ITGA8: variants seen among roughly 807,000 people sequenced by gnomAD.
ITGA8 encodes the protein integrin subunit alpha 8.
In ITGA8, 91 loss-of-function variants were observed where a neutral mutation model predicts 142.3. The ratio of observed to expected loss-of-function variants is 0.64; its 90% CI spans 0.54 to 0.76. The LOEUF (loss-of-function observed/expected upper bound fraction) is 0.76. Among genes scored for constraint, ITGA8 ranks in the 30% least tolerant of loss-of-function variants. The pLI is 0.00. For synonymous variants in ITGA8, 505 were observed against 485.2 expected, an observed-to-expected ratio of 1.04 and a Z score of -0.54; for missense variants, 1,406 against 1,327.7, an observed-to-expected ratio of 1.06 and a Z score of -0.92.
At chr10:15,703,906 C>G (rs887183841) in intron 2 of ITGA8, among the ~76,000 whole-genome samples, 1 of 152,122 alleles carries the variant, frequency 6.6e-6, no homozygotes, top group Non-Finnish European at 1.5e-5. Context: ...ACACCTGAAG[C>G]CTTCTTCACT....
At chr10:15,719,527 GT>G (rs111419058) in intron 1 of ITGA8, 35 bp downstream of exon 1, 5 of 1,501,712 alleles carry the variant, frequency 3.3e-6, no homozygotes, top group Non-Finnish European at 2.6e-6. Flanking sequence ...GAGCGCCTTC[GT>G]CCCCGCGCGC....
intron 27 of ITGA8, among the ~76,000 whole-genome samples, chr10:15,541,986 G>A (rs1009846232): frequency 1.7e-4 from 26 of 152,220 alleles, no homozygotes; most frequent in African/African-American, 5.5e-4. Flanking sequence ...TCAGGAGGGC[G>A]AGCAGGAGGC....
chr10:15,519,953 G>T (rs935605597), intron 28 of ITGA8, among the ~76,000 whole-genome samples: 1 of 152,118 alleles, frequency 6.6e-6, no homozygotes, highest in Non-Finnish European at 1.5e-5. Flanking sequence ...TTCACACAAC[G>T]AATTAGTGTC....
At chr10:15,534,173 G>A (rs1833370156) in intron 27 of ITGA8, among the ~76,000 whole-genome samples, 1 of 152,102 alleles carries the variant, frequency 6.6e-6, no homozygotes, top group Non-Finnish European at 1.5e-5. Context: ...GCCTCCCAAA[G>A]TGCTGGCATC....
At chr10:15,714,663 T>C (rs1419337365) in intron 2 of ITGA8, among the ~76,000 whole-genome samples, 1 of 152,124 alleles carries the variant, frequency 6.6e-6, no homozygotes, top group Non-Finnish European at 1.5e-5. Context: ...AATCAAGTTA[T>C]ATGATAAGGT....
At chr10:15,627,065 A>C (rs534126520) in intron 13 of ITGA8, among the ~76,000 whole-genome samples, 35 of 152,184 alleles carry the variant, frequency 2.3e-4, no homozygotes, top group African/African-American at 7.2e-4. Flanking sequence ...TCCCACCCTA[A>C]CTGCCCAGGA....
chr10:15,694,901 ATTACT>A, intron 2 of ITGA8, among the ~76,000 whole-genome samples: 1 of 151,798 alleles, frequency 6.6e-6, no homozygotes. Flanking sequence ...TAGTCTTAAA[ATTACT>A]AACCACGAAA....
chr10:15,643,881 T>A (rs1833914734), intron 13 of ITGA8, 149 bp downstream of exon 13: 1 of 609,780 alleles, frequency 1.6e-6, no homozygotes, highest in Non-Finnish European at 2.8e-6. Flanking sequence ...TGAAAGTCGC[T>A]CTGGAATCGT....
intron 11 of ITGA8, among the ~76,000 whole-genome samples, chr10:15,652,283 T>C (rs1372738486): frequency 6.6e-6 from 1 of 152,232 alleles, no homozygotes; most frequent in Non-Finnish European, 1.5e-5. Context: ...CTGCAGGGCA[T>C]AAGGCGAAGC....
rs532003033 is a variant in ITGA8 at position 15,699,707 on chromosome 10, G to A, written c.344-11669C>T. On this transcript the variant is annotated intron_variant, in intron 2 of 29. Coordinates refer to ENST00000378076, the MANE Select transcript of ITGA8 (RefSeq NM_003638.3). The stretch of plus-strand genomic sequence containing the variant: ...CACCCAAACTAGGAATGACATTGCT[G>A]GGTCATAGAGAATGATCATATTCTT... 5.9e-5 allele frequency among the ~76,000 whole-genome samples: 9 copies of A among 152,250 alleles called. No individual in the cohort carries two copies. The South Asian group carries it at 1.9e-3, about 32-fold the overall frequency.
intron 8 of ITGA8, among the ~76,000 whole-genome samples, chr10:15,669,569 C>G (rs558798586): frequency 2.6e-5 from 4 of 152,198 alleles, no homozygotes; most frequent in Non-Finnish European, 4.4e-5. Context: ...TGAGAGGCTG[C>G]GTTCCTTTGG....
At chr10:15,671,964 T>C (rs755290717) in intron 7 of ITGA8, among the ~76,000 whole-genome samples, 7 of 150,716 alleles carry the variant, frequency 4.6e-5, no homozygotes, top group Non-Finnish European at 1.0e-4. Context: ...TGAGAGTAAA[T>C]GGTGGCTGTT....
intron 14 of ITGA8, among the ~76,000 whole-genome samples, chr10:15,615,816 A>G (rs114573650): frequency 3.0e-4 from 45 of 152,204 alleles, no homozygotes; most frequent in Admixed American, 2.4e-3. Flanking sequence ...GTCCTGCCAT[A>G]AAACTTTTTT....
intron 18 of ITGA8, 112 bp from the exon 19 acceptor site, chr10:15,605,903 T>C (rs868594784): frequency 3.3e-6 from 3 of 897,926 alleles, no homozygotes; most frequent in African/African-American, 3.3e-5. Context: ...CCTCTCACTA[T>C]GCATGACTCT....
At position 15,642,573 on chromosome 10, in the gene ITGA8, A is replaced by G. The variant is rs557491832; in HGVS notation, c.1399+1457T>C. The stretch of plus-strand genomic sequence containing the variant: ...TATTTTAAATTTGGATATATTATGT[A>G]TACAAACCTCTCCCCAGTAATAACA... On this transcript the variant is annotated intron_variant, in intron 13 of 29. Transcript: ENST00000378076. 7.9e-5 allele frequency among the ~76,000 whole-genome samples: 12 copies of G among 152,326 alleles called. No individual in the cohort carries two copies. In the East Asian group the frequency reaches 2.3e-3, roughly 29 times the overall value.
intron 2 of ITGA8, among the ~76,000 whole-genome samples, chr10:15,710,826 G>A (rs1468972986): frequency 6.6e-6 from 1 of 152,222 alleles, no homozygotes; most frequent in Non-Finnish European, 1.5e-5. Flanking sequence ...GCTGCGTATA[G>A]CGTGGGCCGG....
rs184378021 is a variant in ITGA8 at position 15,647,055 on chromosome 10, T to C, written c.1002-4A>G. On this transcript the variant is annotated splice_region_variant and splice_polypyrimidine_tract_variant and intron_variant, in intron 11 of 29. Coordinates refer to ENST00000378076, the MANE Select transcript of ITGA8 (RefSeq NM_003638.3). ...CCCAACCAGGACATCATCCAGTCTGTAAGGAACAAAGAAAGCAGCTCAGCA... is the reference window on the plus strand; with the variant it reads ...CCCAACCAGGACATCATCCAGTCTGCAAGGAACAAAGAAAGCAGCTCAGCA... 70 of 1,612,280 alleles carry C rather than the reference T, an allele frequency of 4.3e-5. 1 individual carries two copies. The African/African-American group carries it at 8.3e-4, about 19-fold the overall frequency.
rs796439161 is a variant in ITGA8 at position 15,528,093 on chromosome 10, TTTG to T, written c.2982+2954_2982+2956del. On this transcript the variant is annotated intron_variant, in intron 28 of 29. Coordinates refer to ENST00000378076, the MANE Select transcript of ITGA8 (RefSeq NM_003638.3). Reference sequence around the variant, plus strand: ...ACCACGCCTTGCTAATTTTATGCTTTTTGTTGTTGTTGTTTGTTTGTTTGTAGA... The same window carrying T: ...ACCACGCCTTGCTAATTTTATGCTTTTTGTTGTTGTTTGTTTGTTTGTAGA... Among the ~76,000 whole-genome samples, 210 of 151,892 alleles carry T rather than the reference TTTG, an allele frequency of 1.4e-3. 2 individuals carry two copies. Among genetic ancestry groups the T allele is most frequent in the African/African-American group, 4.9e-3 (201 of 41,404 alleles).
chr10:15,605,845 C>G (rs1167109043), intron 18 of ITGA8, 54 bp from the exon 19 acceptor site: 1 of 1,526,878 alleles, frequency 6.5e-7, no homozygotes, highest in African/African-American at 1.4e-5. Flanking sequence ...GATTCACATC[C>G]TTTTTCTTGA....
Sources: gnomAD v4.1 joint callset for allele counts (sites outside exome capture counted in the v4.1 genomes callset) on GRCh38, gnomAD v4.1.1 for gene constraint, MANE v1.5 for transcripts, NCBI Gene and HGNC (gene_info 2026-07-23, HGNC 2026-07-21) for gene names.